The following METTL15 variants were observed in gnomAD, a reference collection of about 807,000 sequenced individuals.
METTL15 encodes 12S rRNA N(4)-cytidine methyltransferase METTL15.
In METTL15, 34 loss-of-function variants were observed where a neutral mutation model predicts 38.3. That is an observed-to-expected ratio of 0.89 (90% CI 0.68 to 1.18). The LOEUF (loss-of-function observed/expected upper bound fraction) is 1.18. Among genes scored for constraint, METTL15 ranks in the 50% most tolerant of loss-of-function variants. The probability of loss-of-function intolerance (pLI) is 0.00; values close to 1 mark genes in which losing one functional copy is unlikely to be tolerated. For synonymous variants in METTL15, 162 were observed against 170.9 expected, an observed-to-expected ratio of 0.95 and a Z score of 0.41; for missense variants, 438 against 498.4, an observed-to-expected ratio of 0.88 and a Z score of 1.15.
chr11:28,520,948 C>T (rs1199300235), intron 6 of METTL15, among the ~76,000 whole-genome samples: 1 of 152,022 alleles, frequency 6.6e-6, no homozygotes, highest in African/African-American at 2.4e-5. Flanking sequence ...TCTCTCTTTC[C>T]ATTTTGGGCC....
At chr11:28,313,471 T>G (rs1857375793) in intron 6 of METTL15, among the ~76,000 whole-genome samples, 1 of 151,932 alleles carries the variant, frequency 6.6e-6, no homozygotes, top group Non-Finnish European at 1.5e-5. Context: ...AAATTCAAGT[T>G]TATAAAGTAC....
chr11:28,343,478 T>G (rs1248065835), intron 3 of METTL15, among the ~76,000 whole-genome samples: 1 of 152,216 alleles, frequency 6.6e-6, no homozygotes, highest in East Asian at 1.9e-4. Context: ...GTTTGTTTCC[T>G]TCACTCACAA....
intron 6 of METTL15, among the ~76,000 whole-genome samples, chr11:28,485,330 A>G (rs572777163): frequency 6.6e-6 from 1 of 152,340 alleles, no homozygotes; most frequent in Non-Finnish European, 1.5e-5. Context: ...AAGGTTCACT[A>G]TGTGCCAGGC....
At chr11:28,368,307 A>G (rs1339811830) in intron 5 of METTL15, among the ~76,000 whole-genome samples, 1 of 152,166 alleles carries the variant, frequency 6.6e-6, no homozygotes, top group Non-Finnish European at 1.5e-5. Context: ...ATTTTCAAGA[A>G]AAAAACAAAC....
At chr11:28,435,227 G>A (rs547149238) in intron 6 of METTL15, among the ~76,000 whole-genome samples, 2 of 152,208 alleles carry the variant, frequency 1.3e-5, no homozygotes, top group East Asian at 3.9e-4. Context: ...TCTACATCAG[G>A]TTCATTACAT....
At chr11:28,225,279 T>C (rs1853427242) in intron 4 of METTL15, among the ~76,000 whole-genome samples, 1 of 151,900 alleles carries the variant, frequency 6.6e-6, no homozygotes, top group Admixed American at 6.6e-5. Context: ...CCTACTAGCC[T>C]TTTTATAATA....
chr11:28,110,084 G>T (rs966839000), intron 1 of METTL15, 82 bp from the exon 2 acceptor site: 11 of 152,216 alleles, frequency 7.2e-5, no homozygotes, highest in Non-Finnish European at 1.2e-4. Flanking sequence ...ATTTAAAGTT[G>T]TTTCAGACCA....
At chr11:28,409,533 G>A (rs1352574157) in intron 5 of METTL15, among the ~76,000 whole-genome samples, 3 of 151,876 alleles carry the variant, frequency 2.0e-5, no homozygotes, top group African/African-American at 4.8e-5. Flanking sequence ...AACAACAAAT[G>A]GATCAAAGCA....
At chr11:28,159,181 T>C (rs1264065141) in intron 3 of METTL15, among the ~76,000 whole-genome samples, 1 of 152,158 alleles carries the variant, frequency 6.6e-6, no homozygotes, top group Non-Finnish European at 1.5e-5. Flanking sequence ...GGGTTCCTCC[T>C]ACCTTTAAGT....
intron 3 of METTL15, among the ~76,000 whole-genome samples, chr11:28,116,618 G>A (rs1851971609): frequency 6.6e-6 from 1 of 152,118 alleles, no homozygotes; most frequent in Non-Finnish European, 1.5e-5. Flanking sequence ...ATATGTATAA[G>A]GTGTACTACA....
At chr11:28,396,675 T>TA (rs1488920211) in intron 5 of METTL15, among the ~76,000 whole-genome samples, 10 of 152,104 alleles carry the variant, frequency 6.6e-5, no homozygotes, top group Admixed American at 2.6e-4. Flanking sequence ...CCAAGGTAAT[T>TA]TATAGATTCA....
intron 4 of METTL15, among the ~76,000 whole-genome samples, chr11:28,212,433 C>T (rs1200787280): frequency 1.3e-5 from 2 of 152,050 alleles, no homozygotes; most frequent in African/African-American, 4.8e-5. Flanking sequence ...ATTTGCGAAA[C>T]GTTGTATGAG....
intron 3 of METTL15, among the ~76,000 whole-genome samples, chr11:28,351,741 T>C (rs1169882960): frequency 1.3e-5 from 2 of 152,168 alleles, no homozygotes; most frequent in Non-Finnish European, 2.9e-5. Flanking sequence ...TATGTAATGA[T>C]GAAATAAGGT....
chr11:28,398,411 C>A (rs1850596207), intron 5 of METTL15, among the ~76,000 whole-genome samples: 1 of 152,068 alleles, frequency 6.6e-6, no homozygotes, highest in Non-Finnish European at 1.5e-5. Flanking sequence ...TTTTGATTTA[C>A]ATTTCTCTAA....
At chr11:28,321,426 T>C (rs941243156) in intron 6 of METTL15, among the ~76,000 whole-genome samples, 5 of 152,184 alleles carry the variant, frequency 3.3e-5, no homozygotes, top group African/African-American at 1.2e-4. Flanking sequence ...TATAATTTTT[T>C]ATGCTTTTTC....
At chr11:28,169,729 A>G (rs1056750934) in intron 3 of METTL15, among the ~76,000 whole-genome samples, 1 of 152,170 alleles carries the variant, frequency 6.6e-6, no homozygotes, top group Non-Finnish European at 1.5e-5. Context: ...ATCTATGGCT[A>G]TGTGAATAAT....
chr11:28,522,029 A>G (rs1370016881), intron 6 of METTL15, among the ~76,000 whole-genome samples: 1 of 152,218 alleles, frequency 6.6e-6, no homozygotes, highest in Non-Finnish European at 1.5e-5. Context: ...ACAGGTGTGT[A>G]GTAATGAGGT....
intron 3 of METTL15, among the ~76,000 whole-genome samples, chr11:28,156,350 T>C (rs1316828323): frequency 6.6e-6 from 1 of 152,208 alleles, no homozygotes; most frequent in Non-Finnish European, 1.5e-5. Context: ...TTTCTATTCA[T>C]GTCATAAATG....
intron 4 of METTL15, among the ~76,000 whole-genome samples, chr11:28,246,284 ATG>A (rs1565198821): frequency 3.3e-5 from 5 of 152,286 alleles, no homozygotes; most frequent in African/African-American, 1.2e-4. Flanking sequence ...AAAATATCAT[ATG>A]TGTTTGAAAA....
Sources: gnomAD v4.1 joint callset for allele counts (sites outside exome capture counted in the v4.1 genomes callset) on GRCh38, gnomAD v4.1.1 for gene constraint, MANE v1.5 for transcripts, NCBI Gene and HGNC (gene_info 2026-07-23, HGNC 2026-07-21) for gene names.